RAI14: variants seen among roughly 807,000 people sequenced by gnomAD.
RAI14 encodes the protein ankycorbin.
A neutral mutation model predicts 115.4 loss-of-function variants in RAI14; 45 were observed. That is an observed-to-expected ratio of 0.39 (90% CI 0.31 to 0.50). The LOEUF (loss-of-function observed/expected upper bound fraction) is 0.50, where lower values mean the gene tolerates loss of function less well. Among genes scored for constraint, RAI14 ranks in the 20% least tolerant of loss-of-function variants. The pLI, the probability that RAI14 is intolerant of heterozygous loss-of-function variation, is 0.85. For synonymous variants in RAI14, 371 were observed against 415.4 expected, an observed-to-expected ratio of 0.89 and a Z score of 1.30; for missense variants, 939 against 1,131.2, an observed-to-expected ratio of 0.83 and a Z score of 2.44.
intron 12 of RAI14, among the ~76,000 whole-genome samples, chr5:34,816,098 C>T (rs1019171283): frequency 2.4e-4 from 36 of 152,094 alleles, no homozygotes; most frequent in African/African-American, 8.7e-4. Context: ...CAGAAAAAGG[C>T]CATTATTCGA....
chr5:34,710,670 A>G (rs1741281239), intron 2 of RAI14, among the ~76,000 whole-genome samples: 1 of 152,208 alleles, frequency 6.6e-6, no homozygotes, highest in African/African-American at 2.4e-5. Flanking sequence ...ATTCTGGTTC[A>G]GTAGGTCTGG....
At chr5:34,757,238 G>A (rs1320972285) in intron 2 of RAI14, 1 of 583,712 alleles carries the variant, frequency 1.7e-6, no homozygotes, top group African/African-American at 1.8e-5. Flanking sequence ...TTATCTCAGA[G>A]TTTGGTGACT....
At chr5:34,703,257 T>G (rs1161189022) in intron 2 of RAI14, among the ~76,000 whole-genome samples, 3 of 152,236 alleles carry the variant, frequency 2.0e-5, no homozygotes, top group African/African-American at 7.2e-5. Context: ...GCATATGGTA[T>G]ACATCAACAC....
intron 2 of RAI14, among the ~76,000 whole-genome samples, chr5:34,692,364 G>A (rs1039165357): frequency 2.0e-5 from 3 of 151,862 alleles, no homozygotes; most frequent in African/African-American, 4.8e-5. Context: ...TTTATAATAA[G>A]TTTTTACAAT....
Position 34,811,829 on chromosome 5 carries a change from A to G in RAI14, c.620A>G (p.Lys207Arg), listed in dbSNP as rs970785907. Residue 207 changes from lysine (K) to arginine (R), a missense_variant, in exon 9 of 18, where the codon AAG becomes AGG. Physicochemically the swap from Lys to Arg is conservative, Grantham distance 26. Transcript: ENST00000265109. ...AACGCTGTGGAAGCCTTAATTAAAA[A>G]GGGTGCAGACCTAAACCTTGTAGAT... The part of the protein sequence containing the change: ...SSNAVEALIK[K>R]GADLNLVDSL... The G allele has an allele frequency of 1.7e-5, 28 of 1,613,204 alleles. No homozygotes were observed. The highest frequency in any genetic ancestry group is 2.3e-5 in the Non-Finnish European group (27 of 1,179,582).
chr5:34,734,278 C>T (rs934994822), intron 2 of RAI14, among the ~76,000 whole-genome samples: 3 of 152,214 alleles, frequency 2.0e-5, no homozygotes, highest in Non-Finnish European at 4.4e-5. Flanking sequence ...GGAACGAGCA[C>T]TGCTCTTCCC....
intron 1 of RAI14, among the ~76,000 whole-genome samples, chr5:34,678,080 G>C (rs1192223135): frequency 1.3e-5 from 2 of 149,506 alleles, no homozygotes; most frequent in African/African-American, 2.4e-5. Context: ...GAAGTTAGAG[G>C]GATAAAAAAT....
chr5:34,669,863 C>T (rs755156061), intron 1 of RAI14, among the ~76,000 whole-genome samples: 5 of 152,190 alleles, frequency 3.3e-5, no homozygotes, highest in Non-Finnish European at 7.3e-5. Flanking sequence ...CTGCTGTCAG[C>T]CCAGGCGAAC....
intron 3 of RAI14, among the ~76,000 whole-genome samples, chr5:34,768,975 T>TGA (rs1445869066): frequency 1.3e-5 from 2 of 149,860 alleles, no homozygotes; most frequent in Non-Finnish European, 3.0e-5. Context: ...GATGACAGAG[T>TGA]GAGACCCAGT....
chr5:34,809,394 T>G (rs1755318115), intron 7 of RAI14, among the ~76,000 whole-genome samples: 1 of 152,190 alleles, frequency 6.6e-6, no homozygotes, highest in African/African-American at 2.4e-5. Context: ...TTCCTATGTG[T>G]GATGTTAATA....
intron 1 of RAI14, among the ~76,000 whole-genome samples, chr5:34,665,117 G>GTA (rs201869626): frequency 0.28 from 4,534 of 16,360 alleles, 1,978 homozygotes; most frequent in South Asian, 0.85. Flanking sequence ...ATATATATGT[G>GTA]TATATATGTA....
At chr5:34,747,745 A>G (rs1746474795) in intron 2 of RAI14, among the ~76,000 whole-genome samples, 1 of 152,222 alleles carries the variant, frequency 6.6e-6, no homozygotes, top group African/African-American at 2.4e-5. Context: ...GTTAATTAAT[A>G]GTAGCTCCCA....
chr5:34,829,765 G>A lies in RAI14; in HGVS notation c.2833G>A (p.Val945Ile). 1 of 1,612,240 alleles carries A rather than the reference G, an allele frequency of 6.2e-7. No individual in the cohort carries two copies. The highest frequency in any genetic ancestry group is 1.3e-5 in the African/African-American group (1 of 74,958). ...GAAACAACACCAGGAGGTCATATCA[G>A]TTTACAGAATGCATCTTCTGTATGC... ...CKKQHQEVIS[V>I]YRMHLLYAVQ... The change falls in exon 17 of 18, where the codon GTT becomes ATT. Residue 945 changes from valine (V) to isoleucine (I), a missense_variant. By Grantham distance (29) the Val-to-Ile change is conservative. Transcript: ENST00000265109.
intron 2 of RAI14, among the ~76,000 whole-genome samples, chr5:34,701,492 C>G (rs1458205888): frequency 6.6e-6 from 1 of 152,228 alleles, no homozygotes; most frequent in African/African-American, 2.4e-5. Context: ...TCTCCACAAT[C>G]TTTATCTTAA....
chr5:34,779,805 T>G (rs911932563), intron 3 of RAI14, among the ~76,000 whole-genome samples: 5 of 152,164 alleles, frequency 3.3e-5, no homozygotes, highest in Admixed American at 6.5e-5. Flanking sequence ...CAAGGTAATT[T>G]ATAGAGTCAT....
At position 34,764,537 on chromosome 5, in the gene RAI14, TTCTCTCTC is replaced by T. The variant is rs146616019; in HGVS notation, c.167+6966_167+6973del. The stretch of plus-strand genomic sequence containing the variant: ...AAGGCCCAGGAAGCACAGGTGAATT[TTCTCTCTC>T]TCTCTCTCTCTCTCTCTCTCTCTCT... On this transcript the variant is annotated intron_variant, in intron 3 of 17. Coordinates refer to ENST00000265109, the MANE Select transcript of RAI14 (RefSeq NM_015577.3). 4.2e-4 allele frequency among the ~76,000 whole-genome samples: 30 copies of T among 71,750 alleles called. No homozygotes were observed. The East Asian group carries it at 7.4e-3, about 18-fold the overall frequency. The allele number at this position is 71,750 out of a possible 152,430, so 47.1% of individuals were successfully genotyped here.
chr5:34,668,360 C>G (rs1227911622), intron 1 of RAI14, among the ~76,000 whole-genome samples: 1 of 150,766 alleles, frequency 6.6e-6, no homozygotes, highest in East Asian at 2.0e-4. Context: ...CACCATTGCA[C>G]TCCAGCCTAG....
intron 2 of RAI14, among the ~76,000 whole-genome samples, chr5:34,699,342 A>G (rs1396095838): frequency 6.6e-6 from 1 of 152,158 alleles, no homozygotes; most frequent in Non-Finnish European, 1.5e-5. Flanking sequence ...GAGTGGCTTA[A>G]ACCAGAGGTC....
chr5:34,807,613 C>T (rs957672431), intron 5 of RAI14, among the ~76,000 whole-genome samples, 187 bp from the exon 6 acceptor site: 3 of 151,984 alleles, frequency 2.0e-5, no homozygotes, highest in African/African-American at 7.3e-5. Context: ...GGAGAGTTTG[C>T]CCATCCCAAA....
Sources: allele counts gnomAD v4.1 joint callset (sites outside exome capture counted in the v4.1 genomes callset), GRCh38; gene constraint gnomAD v4.1.1; transcripts MANE v1.5; gene names NCBI Gene and HGNC (gene_info 2026-07-23, HGNC 2026-07-21).